DCC: variants seen among roughly 807,000 people sequenced by gnomAD.
The protein encoded by DCC is netrin receptor DCC.
Under a neutral mutation model 172.5 loss-of-function variants are expected in DCC, and 58 were observed. The ratio of observed to expected loss-of-function variants is 0.34; its 90% CI spans 0.27 to 0.42. DCC has a LOEUF of 0.42. Ranked by LOEUF, DCC falls within the 10% of genes least tolerant of loss-of-function variation. The pLI is 1.00. For synonymous variants in DCC, 709 were observed against 644.5 expected (o/e 1.10, Z -1.52); for missense variants, 1,740 against 1,791.0 (o/e 0.97, Z 0.51).
chr18:52,847,083 G>A lies in DCC; in HGVS notation c.413-58961G>A, dbSNP rs115274191. Among the ~76,000 whole-genome samples, 1,521 of 152,230 alleles carry A rather than the reference G, an allele frequency of 1.0e-2. 31 individuals carry two copies. Among genetic ancestry groups the A allele is most frequent in the African/African-American group, 0.034 (1,413 of 41,546 alleles). ...GAGATGGGCTTTCAATTTGGAGCCCGTTGTTATTCTCTTTTCGTCTATTCC... is the reference window on the plus strand; with the variant it reads ...GAGATGGGCTTTCAATTTGGAGCCCATTGTTATTCTCTTTTCGTCTATTCC... On this transcript the variant is annotated intron_variant, in intron 2 of 28. Coordinates refer to ENST00000442544, the MANE Select transcript of DCC (RefSeq NM_005215.4).
At chr18:52,926,695 C>A (rs1456200142) in intron 5 of DCC, among the ~76,000 whole-genome samples, 1 of 150,938 alleles carries the variant, frequency 6.6e-6, no homozygotes, top group Non-Finnish European at 1.5e-5. Flanking sequence ...CAAATTAATG[C>A]ACATTATTTT....
chr18:53,315,658 A>G (rs1386486594), intron 13 of DCC, among the ~76,000 whole-genome samples: 1 of 152,112 alleles, frequency 6.6e-6, no homozygotes, highest in Non-Finnish European at 1.5e-5. Context: ...CACCATTCTA[A>G]CTGACATGAG....
At chr18:53,354,107 G>C (rs2057848171) in intron 15 of DCC, among the ~76,000 whole-genome samples, 4 of 152,102 alleles carry the variant, frequency 2.6e-5, no homozygotes, top group African/African-American at 9.7e-5. Flanking sequence ...CTTTTTTATG[G>C]CTGCATAGTA....
intron 2 of DCC, among the ~76,000 whole-genome samples, chr18:52,863,917 T>C (rs1257677627): frequency 6.6e-6 from 1 of 152,104 alleles, no homozygotes; most frequent in Admixed American, 6.6e-5. Flanking sequence ...CTTACTTTAT[T>C]AAGCTAACAA....
chr18:53,446,178 A>G lies in DCC; in HGVS notation c.3230-4322A>G, dbSNP rs142499824. On this transcript the variant is annotated intron_variant, in intron 22 of 28. Coordinates refer to ENST00000442544, the MANE Select transcript of DCC (RefSeq NM_005215.4). The stretch of plus-strand genomic sequence containing the variant: ...ATGCACCTCTGTAGTCCTAGCTACT[A>G]GGGAAACTGAGATGGGAGAATTGCT... 1.3e-4 allele frequency among the ~76,000 whole-genome samples: 19 copies of G among 151,240 alleles called. 1 individual carries two copies. In the East Asian group the frequency reaches 3.3e-3, roughly 26 times the overall value.
chr18:53,352,975 A>G (rs1354288717), intron 15 of DCC, among the ~76,000 whole-genome samples: 1 of 152,180 alleles, frequency 6.6e-6, no homozygotes, highest in African/African-American at 2.4e-5. Context: ...ATTGACCTTA[A>G]GTAAATACTA....
intron 25 of DCC, among the ~76,000 whole-genome samples, chr18:53,481,229 T>C (rs73462916): frequency 0.047 from 7,083 of 152,254 alleles, 497 homozygotes; most frequent in African/African-American, 0.14. Flanking sequence ...CCAACAGGCA[T>C]GTGAACTCCA....
chr18:52,717,901 A>T (rs2036411667), intron 1 of DCC, among the ~76,000 whole-genome samples: 1 of 152,192 alleles, frequency 6.6e-6, no homozygotes, highest in Non-Finnish European at 1.5e-5. Context: ...ACATTTAAAA[A>T]TGGTTAAAAT....
intron 12 of DCC, among the ~76,000 whole-genome samples, chr18:53,237,592 C>T (rs2056225322): frequency 6.6e-6 from 1 of 152,066 alleles, no homozygotes; most frequent in African/African-American, 2.4e-5. Context: ...TTAACCTAGT[C>T]AGTTGTCACA....
rs370884844 is a variant in DCC at position 53,254,585 on chromosome 18, CA to C, written c.1911+38989del. Among the ~76,000 whole-genome samples the C allele has an allele frequency of 8.4e-4, 128 of 152,110 alleles. 1 individual carries two copies. Among genetic ancestry groups the C allele is most frequent in the African/African-American group, 2.7e-3 (114 of 41,512 alleles). On this transcript the variant is annotated intron_variant, in intron 12 of 28. Transcript: ENST00000442544. ...TCCCTATTCCTAACTGGTTCTTAAT[CA>C]GGGGTGTGACACTCTATAAAAATAT...
At chr18:53,142,405 T>A (rs2043844417) in intron 7 of DCC, among the ~76,000 whole-genome samples, 1 of 152,208 alleles carries the variant, frequency 6.6e-6, no homozygotes, top group Admixed American at 6.5e-5. Flanking sequence ...ATCCTAAAAC[T>A]TAACACTGTC....
At chr18:53,052,787 C>T (rs558119170) in intron 5 of DCC, among the ~76,000 whole-genome samples, 1 of 152,138 alleles carries the variant, frequency 6.6e-6, no homozygotes, top group South Asian at 2.1e-4. Context: ...TAAGCCTTAC[C>T]TTACTCAAAC....
chr18:52,788,585 T>C (rs1298927356), intron 2 of DCC, among the ~76,000 whole-genome samples: 1 of 152,226 alleles, frequency 6.6e-6, no homozygotes, highest in Admixed American at 6.5e-5. Flanking sequence ...TAAAAAATAT[T>C]TTAAGTGCTT....
chr18:52,656,405 C>T (rs73465819), intron 1 of DCC, among the ~76,000 whole-genome samples: 16 of 152,190 alleles, frequency 1.1e-4, no homozygotes, highest in African/African-American at 3.9e-4. Flanking sequence ...TCCGCCACCA[C>T]CTTGAACTTG....
At chr18:53,467,238 T>C (rs2045633229) in intron 24 of DCC, among the ~76,000 whole-genome samples, 1 of 152,114 alleles carries the variant, frequency 6.6e-6, no homozygotes, top group African/African-American at 2.4e-5. Flanking sequence ...ACTACACAAA[T>C]GGGAACATAC....
intron 7 of DCC, among the ~76,000 whole-genome samples, chr18:53,147,805 T>A (rs763617908): frequency 6.6e-6 from 1 of 152,208 alleles, no homozygotes; most frequent in South Asian, 2.1e-4. Flanking sequence ...TGACACCATA[T>A]CCTTGAGTAA....
At chr18:52,884,030 T>C (rs1313438186) in intron 2 of DCC, among the ~76,000 whole-genome samples, 4 of 152,080 alleles carry the variant, frequency 2.6e-5, no homozygotes. Context: ...CATGCCACTC[T>C]CTCCTGGCCT....
intron 1 of DCC, among the ~76,000 whole-genome samples, chr18:52,517,088 C>T (rs1283098528): frequency 6.6e-6 from 1 of 152,208 alleles, no homozygotes; most frequent in African/African-American, 2.4e-5. Context: ...GGACTCTACA[C>T]TCATTTCAGG....
chr18:53,413,502 A>G (rs1435715785), intron 20 of DCC, among the ~76,000 whole-genome samples: 2 of 152,202 alleles, frequency 1.3e-5, no homozygotes, highest in African/African-American at 2.4e-5. Context: ...AATACTCTTC[A>G]GTAGATAACA....
Sources: allele counts gnomAD v4.1 joint callset (sites outside exome capture counted in the v4.1 genomes callset), GRCh38; gene constraint gnomAD v4.1.1; transcripts MANE v1.5; gene names NCBI Gene and HGNC (gene_info 2026-07-23, HGNC 2026-07-21).